Variants in GRAMD4 observed in about 807,000 individuals in gnomAD.
GRAMD4 encodes GRAM domain-containing protein 4.
GRAMD4 carries 25 observed loss-of-function variants against 83.9 expected under a neutral mutation model. The observed-to-expected ratio is 0.30, with a 90% CI of 0.22 to 0.42. The LOEUF (loss-of-function observed/expected upper bound fraction) is 0.42. Among genes scored for constraint, GRAMD4 ranks in the 10% least tolerant of loss-of-function variants. The pLI, the probability that GRAMD4 is intolerant of heterozygous loss-of-function variation, is 1.00. For missense variants in GRAMD4, 593 were observed against 788.7 expected (o/e 0.75, Z 2.97); for synonymous variants, 336 against 320.9 (o/e 1.05, Z -0.50).
At chr22:46,588,571 A>T (rs2081174572) in intron 1 of GRAMD4, among the ~76,000 whole-genome samples, 1 of 152,182 alleles carries the variant, frequency 6.6e-6, no homozygotes, top group African/African-American at 2.4e-5. Flanking sequence ...TGTCCCTCGC[A>T]GTCTTAGCCA....
chr22:46,626,241 G>A (rs1033853539), intron 1 of GRAMD4, among the ~76,000 whole-genome samples: 2 of 152,262 alleles, frequency 1.3e-5, no homozygotes, highest in Non-Finnish European at 2.9e-5. Context: ...GTTTCCAGGC[G>A]TGGCTGCCGT....
intron 13 of GRAMD4, 107 bp downstream of exon 13, chr22:46,669,015 G>T: frequency 3.0e-6 from 2 of 674,408 alleles, no homozygotes; most frequent in African/African-American, 3.5e-5. Context: ...CTCACCTGGC[G>T]ATCCTTCCTC....
intron 3 of GRAMD4, among the ~76,000 whole-genome samples, chr22:46,656,722 G>T (rs2082250048): frequency 6.6e-6 from 1 of 152,260 alleles, no homozygotes; most frequent in Non-Finnish European, 1.5e-5. Context: ...TGCTGGCCCT[G>T]CCCAAGAACC....
rs183962426 is a variant in GRAMD4, at chr22:46,646,049, C to T, written c.283+8089C>T. On this transcript the variant is annotated intron_variant, in intron 3 of 18. Coordinates refer to ENST00000406902, the MANE Select transcript of GRAMD4 (RefSeq NM_015124.5). ...AGGGAGCTTCTCTTCCTGGGGGCTT[C>T]CCGGTTGCTAGGCTGTGTAGGGGAG... is the stretch of plus-strand genomic sequence containing the variant. Among the ~76,000 whole-genome samples the T allele has an allele frequency of 1.6e-3, 247 of 152,278 alleles. 1 individual carries two copies. Among genetic ancestry groups the T allele is most frequent in the African/African-American group, 5.9e-3 (246 of 41,556 alleles).
chr22:46,578,335 A>G (rs1310272831), intron 1 of GRAMD4, among the ~76,000 whole-genome samples: 3 of 152,058 alleles, frequency 2.0e-5, no homozygotes, highest in Non-Finnish European at 4.4e-5. Context: ...TTGCCTCAGA[A>G]GTCGAGGGCA....
At chr22:46,660,475 A>G (rs1308270890) in intron 4 of GRAMD4, among the ~76,000 whole-genome samples, 2 of 152,102 alleles carry the variant, frequency 1.3e-5, no homozygotes, top group African/African-American at 4.8e-5. Flanking sequence ...GGCACACACA[A>G]ACATGCAGAC....
intron 1 of GRAMD4, among the ~76,000 whole-genome samples, chr22:46,589,191 G>A (rs930780588): frequency 3.6e-4 from 55 of 151,372 alleles, no homozygotes; most frequent in Admixed American, 2.6e-4. Flanking sequence ...CCCTCCAGTC[G>A]CTGCTGCCTT....
rs1282471771 is a variant in GRAMD4, at chr22:46,668,749, AC to A, written c.974+21del. ...GATCAAGAAGTAAGTCCCGCCCCCC[AC>A]CCCGGCCCTGCGGCGCCCGCCCGGC... On this transcript the variant is annotated intron_variant, in intron 12 of 18. Transcript: ENST00000406902. 1.2e-6 allele frequency: 1 copy of A among 801,156 alleles called. No homozygotes were observed. The highest frequency in any genetic ancestry group is 2.0e-5 in the African/African-American group (1 of 48,824). 49.6% of individuals were successfully genotyped at this position (801,156 alleles called of 1,614,324 possible).
intron 1 of GRAMD4, among the ~76,000 whole-genome samples, chr22:46,607,990 C>G (rs6008930): frequency 3.3e-5 from 5 of 152,338 alleles, no homozygotes; most frequent in South Asian, 2.1e-4. Context: ...GGCAGCACTT[C>G]CAGCTCCATG....
Position 46,672,160 on chromosome 22 carries a change from C to G in GRAMD4, c.1085-683C>G, listed in dbSNP as rs2082517361. On this transcript the variant is annotated intron_variant, in intron 13 of 18. Transcript: ENST00000406902. This position sits in a 1 kb window ranked among gnomAD's most constrained non-coding sequence, Gnocchi z 4.7. ...AGGTGTGTGGGGGCCGGCCCCGCCT[C>G]CCATCCCTGCATCTGTTGCCAGGTG... 6.6e-6 allele frequency among the ~76,000 whole-genome samples: 1 copy of G among 152,240 alleles called. No homozygotes were observed. Among genetic ancestry groups the G allele is most frequent in the South Asian group, 2.1e-4 (1 of 4,834 alleles).
chr22:46,645,528 C>G (rs114790518), intron 3 of GRAMD4, among the ~76,000 whole-genome samples: 54 of 152,344 alleles, frequency 3.5e-4, no homozygotes, highest in African/African-American at 1.2e-3. Context: ...TCAGCTCCCC[C>G]ACCTGTAAAG....
intron 1 of GRAMD4, among the ~76,000 whole-genome samples, chr22:46,608,620 A>C (rs1254651136): frequency 1.3e-5 from 2 of 152,198 alleles, no homozygotes; most frequent in Non-Finnish European, 2.9e-5. Context: ...CAGAGGTTGC[A>C]GTGAGCCAAG....
chr22:46,680,568 A>G (rs78863491), downstream of GRAMD4, among the ~76,000 whole-genome samples: 1,126 of 61,756 alleles, frequency 0.018, 64 homozygotes, highest in Admixed American at 0.022. Context: ...CCGTCCGTCC[A>G]TCCATCCATC....
chr22:46,595,622 G>T (rs1177260168), intron 1 of GRAMD4, among the ~76,000 whole-genome samples: 1 of 152,308 alleles, frequency 6.6e-6, no homozygotes, highest in African/African-American at 2.4e-5. Context: ...CCCTCTTCCT[G>T]CCCTGAACCC....
intron 3 of GRAMD4, among the ~76,000 whole-genome samples, chr22:46,642,414 G>A (rs2081986256): frequency 6.6e-6 from 1 of 152,202 alleles, no homozygotes. Flanking sequence ...ATTCACACCA[G>A]GACTCCTAAG....
chr22:46,670,150 C>G (rs948157144), intron 13 of GRAMD4, among the ~76,000 whole-genome samples: 1 of 152,334 alleles, frequency 6.6e-6, no homozygotes, highest in East Asian at 1.9e-4. Context: ...TGGCGTGCTG[C>G]GCAGAGGAGC....
chr22:46,655,531 A>AG (rs1263690877), intron 3 of GRAMD4, among the ~76,000 whole-genome samples: 1 of 152,126 alleles, frequency 6.6e-6, no homozygotes, highest in African/African-American at 2.4e-5. Flanking sequence ...CCAGATGTGT[A>AG]GGGGGTGAAG....
At chr22:46,673,932 G>C in intron 15 of GRAMD4, 118 bp downstream of exon 15, 2 of 1,108,852 alleles carry the variant, frequency 1.8e-6, no homozygotes, top group Non-Finnish European at 2.7e-6. Flanking sequence ...GAGCCCTCAG[G>C]ATGGCATTCA....
intron 3 of GRAMD4, among the ~76,000 whole-genome samples, chr22:46,655,994 CT>C (rs2082238546): frequency 6.6e-6 from 1 of 151,994 alleles, no homozygotes; most frequent in Non-Finnish European, 1.5e-5. Flanking sequence ...GGAGGGGGAG[CT>C]CTGGAGGGAA....
Sources: gnomAD v4.1 joint callset for allele counts (sites outside exome capture counted in the v4.1 genomes callset) on GRCh38, gnomAD v4.1.1 for gene constraint, Gnocchi (gnomAD v3.1) non-coding constraint, MANE v1.5 for transcripts, NCBI Gene and HGNC (gene_info 2026-07-23, HGNC 2026-07-21) for gene names.